Variants in TDRD5 observed in about 807,000 individuals in gnomAD.
TDRD5 encodes tudor domain containing 5.
A neutral mutation model predicts 120.6 loss-of-function variants in TDRD5; 41 were observed. The ratio of observed to expected loss-of-function variants is 0.34; its 90% CI spans 0.26 to 0.44. TDRD5 has a LOEUF of 0.44. TDRD5 is among the 20% of genes least tolerant of loss of function. The pLI, the probability that TDRD5 is intolerant of heterozygous loss-of-function variation, is 1.00. For synonymous variants in TDRD5, 430 were observed against 433.7 expected, an observed-to-expected ratio of 0.99 and a Z score of 0.11; for missense variants, 1,006 against 1,221.2, an observed-to-expected ratio of 0.82 and a Z score of 2.63.
intron 13 of TDRD5, among the ~76,000 whole-genome samples, chr1:179,653,687 A>C (rs972467016): frequency 6.6e-6 from 1 of 152,178 alleles, no homozygotes; most frequent in African/African-American, 2.4e-5. Flanking sequence ...CTTTTCTGCA[A>C]AAGAGAAAGG....
rs1676816475 is a variant in TDRD5, at chr1:179,621,071, A to G, written c.952A>G (p.Lys318Glu). Reference protein sequence around the residue: ...SKFPEGLFISKLLGEYEVIFK... With the variant: ...SKFPEGLFISELLGEYEVIFK... ...GTTCCCAGAGGGTTTGTTTATTTCT[A>G]AACTGCTTGGAGAGTATGAGGTAAG... Residue 318 changes from lysine (K) to glutamate (E), a missense_variant, in exon 6 of 18, where the codon AAA becomes GAA. Transcript: ENST00000444136. The G allele has an allele frequency of 3.1e-6, 5 of 1,603,132 alleles. No homozygotes were observed. The highest frequency in any genetic ancestry group is 4.2e-6 in the Non-Finnish European group (5 of 1,176,918).
intron 11 of TDRD5, among the ~76,000 whole-genome samples, chr1:179,647,467 C>T (rs1678445470): frequency 1.3e-5 from 2 of 152,202 alleles, no homozygotes; most frequent in African/African-American, 4.8e-5. Flanking sequence ...GGATTAAAGA[C>T]TTAAACGTTA....
intron 14 of TDRD5, among the ~76,000 whole-genome samples, chr1:179,657,764 C>T (rs1679083924): frequency 6.6e-6 from 1 of 151,922 alleles, no homozygotes; most frequent in Non-Finnish European, 1.5e-5. Context: ...ATATGGTGTA[C>T]AACATGTTTC....
intron 2 of TDRD5, among the ~76,000 whole-genome samples, chr1:179,593,249 A>C (rs1194071707): frequency 6.6e-6 from 1 of 152,242 alleles, no homozygotes; most frequent in Non-Finnish European, 1.5e-5. Flanking sequence ...TGTAATGATA[A>C]TACATTGAGT....
intron 16 of TDRD5, among the ~76,000 whole-genome samples, chr1:179,666,875 A>G (rs1572420314): frequency 1.3e-5 from 2 of 152,298 alleles, no homozygotes; most frequent in Non-Finnish European, 2.9e-5. Context: ...GATTTGGGGC[A>G]TTTGTTCATG....
At position 179,654,450 on chromosome 1, in the gene TDRD5, A is replaced by T. The variant is rs939483119; in HGVS notation, c.2322+88A>T. 10 of 1,317,336 alleles carry T rather than the reference A, an allele frequency of 7.6e-6. No individual in the cohort carries two copies. In the African/African-American group the frequency reaches 1.5e-4, roughly 20 times the overall value. The allele number at this position is 1,317,336 out of a possible 1,614,324, so 81.6% of individuals were successfully genotyped here. On this transcript the variant is annotated intron_variant, in intron 14 of 17. Transcript: ENST00000444136. Reference sequence around the variant, plus strand: ...AAGAGGACTGGAATAAACTCTGTTTAAACCCCACTGCTTTTAGTATTACAA... The same window carrying T: ...AAGAGGACTGGAATAAACTCTGTTTTAACCCCACTGCTTTTAGTATTACAA...
intron 14 of TDRD5, among the ~76,000 whole-genome samples, chr1:179,658,333 A>G (rs1679113764): frequency 6.6e-6 from 1 of 152,176 alleles, no homozygotes; most frequent in South Asian, 2.1e-4. Context: ...GTTATTTTTC[A>G]GGGAGAGAAG....
At chr1:179,654,087 A>ATG in intron 13 of TDRD5, 114 bp from the exon 14 acceptor site, 1 of 812,890 alleles carries the variant, frequency 1.2e-6, no homozygotes, top group Non-Finnish European at 1.8e-6. Flanking sequence ...CTATAAAATA[A>ATG]TGTAGCATTT....
At chr1:179,636,638 C>T (rs918124671) in intron 9 of TDRD5, among the ~76,000 whole-genome samples, 2 of 152,162 alleles carry the variant, frequency 1.3e-5, no homozygotes, top group Admixed American at 1.3e-4. Flanking sequence ...AACTAGTTTG[C>T]TGAATTATGC....
intron 17 of TDRD5, among the ~76,000 whole-genome samples, chr1:179,688,137 C>T (rs936805001): frequency 6.6e-6 from 1 of 152,080 alleles, no homozygotes; most frequent in African/African-American, 2.4e-5. Flanking sequence ...TTCTTCCTAG[C>T]ATTGATGGTC....
Position 179,592,698 on chromosome 1 carries a change from C to T in TDRD5, c.83C>T (p.Pro28Leu). The T allele has an allele frequency of 6.2e-7, 1 of 1,614,100 alleles. No homozygotes were observed. The highest frequency in any genetic ancestry group is 8.5e-7 in the Non-Finnish European group (1 of 1,180,022). The change falls in exon 2 of 18, where the codon CCA becomes CTA. Residue 28 changes from proline (P) to leucine (L), a missense_variant. Coordinates refer to ENST00000444136, the MANE Select transcript of TDRD5 (RefSeq NM_001199085.3). Reference protein sequence around the residue: ...LLISTKDGLSPQELEKEYLLM... With the variant: ...LLISTKDGLSLQELEKEYLLM... ...ATTTCCACCAAAGATGGTTTGAGCC[C>T]ACAGGAGTTGGAGAAGGAGTACCTT...
chr1:179,686,027 CCTTT>C (rs1324550186), intron 17 of TDRD5, among the ~76,000 whole-genome samples: 15 of 152,146 alleles, frequency 9.9e-5, no homozygotes, highest in Middle Eastern at 3.4e-3. Flanking sequence ...AACTGAATAC[CCTTT>C]CTTTCTTTCT....
At chr1:179,641,300 C>T (rs911828173) in intron 11 of TDRD5, among the ~76,000 whole-genome samples, 5 of 152,040 alleles carry the variant, frequency 3.3e-5, no homozygotes, top group Admixed American at 1.3e-4. Flanking sequence ...GAAGCCAAGG[C>T]GGGCGGATCA....
chr1:179,667,251 T>G (rs1679607180), intron 16 of TDRD5, among the ~76,000 whole-genome samples: 1 of 152,248 alleles, frequency 6.6e-6, no homozygotes, highest in Non-Finnish European at 1.5e-5. Context: ...TCAGATGTGA[T>G]ACAAATTTAA....
At chr1:179,650,182 C>T (rs571185786) in intron 11 of TDRD5, among the ~76,000 whole-genome samples, 111 of 152,114 alleles carry the variant, frequency 7.3e-4, no homozygotes, top group South Asian at 1.2e-3. Flanking sequence ...AGGTGGATCA[C>T]CTGAAGTCAG....
At chr1:179,653,763 A>G (rs942511324) in intron 13 of TDRD5, among the ~76,000 whole-genome samples, 1 of 152,022 alleles carries the variant, frequency 6.6e-6, no homozygotes, top group Non-Finnish European at 1.5e-5. Context: ...TATGCTACAC[A>G]CACACCTACA....
chr1:179,678,562 A>G (rs1169814386), intron 17 of TDRD5, among the ~76,000 whole-genome samples: 1 of 151,492 alleles, frequency 6.6e-6, no homozygotes, highest in African/African-American at 2.4e-5. Context: ...TTAATCGACT[A>G]TATTTAAACA....
At chr1:179,655,991 TG>T in intron 14 of TDRD5, among the ~76,000 whole-genome samples, 3 of 152,336 alleles carry the variant, frequency 2.0e-5, no homozygotes, top group Middle Eastern at 6.8e-3. Context: ...GTAAGATTGC[TG>T]GGTCATGTGA....
chr1:179,651,354 C>G (rs987960537), intron 12 of TDRD5, among the ~76,000 whole-genome samples: 1 of 152,086 alleles, frequency 6.6e-6, no homozygotes, highest in Admixed American at 6.5e-5. Context: ...ATCCCAGCTA[C>G]TTGGGAGGCT....
Sources: gnomAD v4.1 joint callset for allele counts (sites outside exome capture counted in the v4.1 genomes callset) on GRCh38, gnomAD v4.1.1 for gene constraint, MANE v1.5 for transcripts, NCBI Gene and HGNC (gene_info 2026-07-23, HGNC 2026-07-21) for gene names.